Variants in CLSTN2 observed in about 807,000 individuals in gnomAD.
The protein encoded by CLSTN2 is calsyntenin-2.
A neutral mutation model predicts 101.2 loss-of-function variants in CLSTN2; 48 were observed. The ratio of observed to expected loss-of-function variants is 0.47; its 90% CI spans 0.38 to 0.60. The LOEUF (loss-of-function observed/expected upper bound fraction) is 0.60, where lower values mean the gene tolerates loss of function less well. CLSTN2 is among the 20% of genes least tolerant of loss of function. The pLI is 0.00. For synonymous variants in CLSTN2, 481 were observed against 463.6 expected, an observed-to-expected ratio of 1.04 and a Z score of -0.48; for missense variants, 1,160 against 1,238.2, an observed-to-expected ratio of 0.94 and a Z score of 0.95.
chr3:140,436,701 C>T (rs1257506825), intron 5 of CLSTN2, among the ~76,000 whole-genome samples: 4 of 152,214 alleles, frequency 2.6e-5, no homozygotes, highest in Admixed American at 2.6e-4. Flanking sequence ...CCAGGGAGAC[C>T]TGTGTGGGGA....
intron 1 of CLSTN2, among the ~76,000 whole-genome samples, chr3:140,064,907 C>T (rs1268712370): frequency 6.6e-6 from 1 of 152,074 alleles, no homozygotes; most frequent in Non-Finnish European, 1.5e-5. Context: ...AAGGGAATAT[C>T]ACCATGGATA....
intron 5 of CLSTN2, among the ~76,000 whole-genome samples, chr3:140,442,431 A>G (rs1362531582): frequency 6.6e-6 from 1 of 152,098 alleles, no homozygotes; most frequent in African/African-American, 2.4e-5. Context: ...TTGTGCCCAC[A>G]GTTTCTTGCC....
chr3:140,452,136 T>C (rs766051536), intron 6 of CLSTN2, among the ~76,000 whole-genome samples: 72 of 152,260 alleles, frequency 4.7e-4, no homozygotes, highest in Admixed American at 3.9e-4. Context: ...AGGGCACACC[T>C]AAGGGACAAC....
At chr3:139,997,811 A>C (rs925325665) in intron 1 of CLSTN2, among the ~76,000 whole-genome samples, 2 of 152,180 alleles carry the variant, frequency 1.3e-5, no homozygotes, top group Non-Finnish European at 2.9e-5. Flanking sequence ...CTTGAAAAAA[A>C]ATTTTTTTTG....
chr3:139,951,713 C>A (rs1474646431), intron 1 of CLSTN2, among the ~76,000 whole-genome samples: 1 of 152,076 alleles, frequency 6.6e-6, no homozygotes, highest in Non-Finnish European at 1.5e-5. Context: ...GCTGGAATAT[C>A]TTTAAGGCAG....
Position 140,126,467 on chromosome 3 carries a change from CA to C in CLSTN2, c.110-49477del, listed in dbSNP as rs1038923220. 3.3e-5 allele frequency among the ~76,000 whole-genome samples: 5 copies of C among 151,706 alleles called. No homozygotes were observed. In the East Asian group the frequency reaches 5.8e-4, roughly 18 times the overall value. ...TAGAAGAGTTTTGCACATACTTGTG[CA>C]AAAAAAGCCCTAAGGGACCTCTAGG... On this transcript the variant is annotated intron_variant, in intron 1 of 16. Transcript: ENST00000458420.
At chr3:140,540,550 T>C (rs1010220070) in intron 9 of CLSTN2, among the ~76,000 whole-genome samples, 1 of 152,210 alleles carries the variant, frequency 6.6e-6, no homozygotes, top group Non-Finnish European at 1.5e-5. Context: ...TTGCTTAAAA[T>C]TGACACCCAA....
chr3:140,079,266 G>A (rs1326658848), intron 1 of CLSTN2, among the ~76,000 whole-genome samples: 1 of 152,126 alleles, frequency 6.6e-6, no homozygotes, highest in South Asian at 2.1e-4. Flanking sequence ...TTGAGCTGAA[G>A]GCCAAGAAAG....
At chr3:139,986,446 C>A (rs1936021444) in intron 1 of CLSTN2, among the ~76,000 whole-genome samples, 1 of 152,072 alleles carries the variant, frequency 6.6e-6, no homozygotes, top group Admixed American at 6.5e-5. Flanking sequence ...GGGCTAAGTT[C>A]TAACATTTGG....
At chr3:140,349,530 A>T (rs1236898095) in intron 2 of CLSTN2, among the ~76,000 whole-genome samples, 1 of 152,202 alleles carries the variant, frequency 6.6e-6, no homozygotes, top group Non-Finnish European at 1.5e-5. Context: ...ACAATCCTGT[A>T]GATTCTTAAG....
intron 1 of CLSTN2, among the ~76,000 whole-genome samples, chr3:140,035,557 A>G (rs574340784): frequency 5.9e-5 from 9 of 152,292 alleles, no homozygotes; most frequent in Non-Finnish European, 8.8e-5. Context: ...ACTTGTGTGT[A>G]TGTTATTTAA....
intron 1 of CLSTN2, among the ~76,000 whole-genome samples, chr3:140,011,665 T>C (rs1160147925): frequency 6.6e-6 from 1 of 152,196 alleles, no homozygotes; most frequent in African/African-American, 2.4e-5. Flanking sequence ...CTCAGGGCTC[T>C]TTGGTTCTTG....
chr3:140,393,245 C>T (rs907259978), intron 2 of CLSTN2, among the ~76,000 whole-genome samples: 1 of 152,084 alleles, frequency 6.6e-6, no homozygotes, highest in Non-Finnish European at 1.5e-5. Context: ...CATCTCAGCC[C>T]CATGTTTGGA....
chr3:140,345,935 G>A (rs531472518), intron 2 of CLSTN2, among the ~76,000 whole-genome samples: 8 of 152,150 alleles, frequency 5.3e-5, no homozygotes, highest in Non-Finnish European at 1.2e-4. Flanking sequence ...GTATTTGCTG[G>A]TTCAATATGG....
intron 2 of CLSTN2, among the ~76,000 whole-genome samples, chr3:140,354,601 G>C (rs2087644611): frequency 6.6e-6 from 1 of 152,104 alleles, no homozygotes; most frequent in Admixed American, 6.5e-5. Context: ...CATGGCAGGA[G>C]ACCATTTCCA....
chr3:140,511,218 A>G (rs573016733), intron 8 of CLSTN2, among the ~76,000 whole-genome samples: 1 of 152,320 alleles, frequency 6.6e-6, no homozygotes, highest in South Asian at 2.1e-4. Flanking sequence ...TTATGGCTAC[A>G]TAGTATTCCA....
intron 8 of CLSTN2, among the ~76,000 whole-genome samples, chr3:140,497,698 C>A (rs1934497426): frequency 6.6e-6 from 1 of 152,126 alleles, no homozygotes; most frequent in South Asian, 2.1e-4. Flanking sequence ...GATGGATCTC[C>A]TGCCTTGCTA....
intron 2 of CLSTN2, among the ~76,000 whole-genome samples, chr3:140,244,555 T>C (rs2086498490): frequency 6.6e-6 from 1 of 152,214 alleles, no homozygotes; most frequent in South Asian, 2.1e-4. Context: ...AGTGTCTGGT[T>C]CATCTTTGTA....
At chr3:140,480,914 A>G (rs188259045) in intron 8 of CLSTN2, among the ~76,000 whole-genome samples, 15,425 of 151,684 alleles carry the variant, frequency 0.1, 850 homozygotes, top group Middle Eastern at 0.16. Context: ...CACTCTGATG[A>G]TAGTTTCTTT....
Sources: allele counts gnomAD v4.1 joint callset (sites outside exome capture counted in the v4.1 genomes callset), GRCh38; gene constraint gnomAD v4.1.1; transcripts MANE v1.5; gene names NCBI Gene and HGNC (gene_info 2026-07-23, HGNC 2026-07-21).